NRXN3: variants seen among roughly 807,000 people sequenced by gnomAD.
NRXN3 encodes neurexin 3.
A neutral mutation model predicts 137.6 loss-of-function variants in NRXN3; 32 were observed. The ratio of observed to expected loss-of-function variants is 0.23; its 90% CI spans 0.18 to 0.31. The LOEUF (loss-of-function observed/expected upper bound fraction) is 0.31. NRXN3 is among the 10% of genes least tolerant of loss of function. NRXN3 has a pLI of 1.00. For missense variants in NRXN3, 1,574 were observed against 2,062.5 expected (o/e 0.76, Z 4.59); for synonymous variants, 798 against 784.5 (o/e 1.02, Z -0.29).
intron 3 of NRXN3, among the ~76,000 whole-genome samples, chr14:78,291,479 C>T (rs2075797697): frequency 6.6e-6 from 1 of 152,202 alleles, no homozygotes; most frequent in Admixed American, 6.5e-5. Context: ...TTCTTCCTTT[C>T]CCAGGTCATT....
At chr14:79,718,977 A>C (rs1567998192) in intron 19 of NRXN3, among the ~76,000 whole-genome samples, 1 of 151,984 alleles carries the variant, frequency 6.6e-6, no homozygotes, top group Non-Finnish European at 1.5e-5. Flanking sequence ...ACCTATTTCA[A>C]ACTCTCAACT....
At chr14:78,636,009 C>T (rs1247993171) in intron 4 of NRXN3, among the ~76,000 whole-genome samples, 1 of 152,058 alleles carries the variant, frequency 6.6e-6, no homozygotes, top group Non-Finnish European at 1.5e-5. Context: ...TGAAAGCAAC[C>T]CAAGGACCAG....
chr14:79,260,042 A>G (rs949334568), intron 15 of NRXN3, among the ~76,000 whole-genome samples: 7 of 152,170 alleles, frequency 4.6e-5, no homozygotes, highest in Non-Finnish European at 7.3e-5. Context: ...GCACTATGGA[A>G]TGATCCTGGT....
chr14:79,280,738 C>T (rs562593915), intron 15 of NRXN3: 1 of 587,100 alleles, frequency 1.7e-6, no homozygotes, highest in South Asian at 2.1e-5. Flanking sequence ...CTCCGACAAC[C>T]ATCTCCACTT....
chr14:78,442,161 G>A (rs1368707864), intron 4 of NRXN3, among the ~76,000 whole-genome samples: 1 of 151,792 alleles, frequency 6.6e-6, no homozygotes, highest in Non-Finnish European at 1.5e-5. Flanking sequence ...CCCAACTTTG[G>A]GAGGCTGGGA....
intron 4 of NRXN3, among the ~76,000 whole-genome samples, chr14:78,467,022 A>G (rs1181790671): frequency 6.6e-6 from 1 of 152,216 alleles, no homozygotes; most frequent in African/African-American, 2.4e-5. Context: ...GGATCCACCT[A>G]TGACCTATAA....
chr14:78,355,737 C>T (rs117181625), intron 4 of NRXN3, among the ~76,000 whole-genome samples: 94 of 152,296 alleles, frequency 6.2e-4, no homozygotes, highest in Non-Finnish European at 9.9e-4. Flanking sequence ...CCTTTACATA[C>T]GCTGTTCCCT....
At chr14:78,986,147 A>G (rs2099503508) in intron 14 of NRXN3, among the ~76,000 whole-genome samples, 1 of 152,114 alleles carries the variant, frequency 6.6e-6, no homozygotes, top group African/African-American at 2.4e-5. Flanking sequence ...CTTTCATTTC[A>G]GTATTCTTGC....
chr14:78,662,629 T>A (rs769559740), intron 6 of NRXN3, among the ~76,000 whole-genome samples: 45 of 152,262 alleles, frequency 3.0e-4, no homozygotes, highest in Admixed American at 2.6e-4. Context: ...GATCTATAGA[T>A]AGATTGATTT....
Position 79,769,404 on chromosome 14 carries a change from A to G in NRXN3, c.4015-35708A>G, listed in dbSNP as rs538088252. ...TCGGGTTACCCTCAAAGGGAAGCCC[A>G]TCAGACTAACAGCAGATCTCTCAGC... On this transcript the variant is annotated intron_variant, in intron 19 of 20. Coordinates refer to ENST00000335750, the MANE Select transcript of NRXN3 (RefSeq NM_001330195.2). Among the ~76,000 whole-genome samples, 4 of 152,158 alleles carry G rather than the reference A, an allele frequency of 2.6e-5. No individual in the cohort carries two copies. The South Asian group carries it at 6.2e-4, about 24-fold the overall frequency.
chr14:78,481,392 C>A (rs760347328), intron 4 of NRXN3, among the ~76,000 whole-genome samples: 2 of 152,034 alleles, frequency 1.3e-5, no homozygotes, highest in Admixed American at 6.6e-5. Context: ...CTTCTACCTG[C>A]GAAAATATTA....
chr14:79,494,266 T>C (rs1279171103), intron 16 of NRXN3, among the ~76,000 whole-genome samples: 3 of 152,178 alleles, frequency 2.0e-5, no homozygotes, highest in East Asian at 3.8e-4. Context: ...CTGTCTACCC[T>C]AATGGATTAG....
intron 19 of NRXN3, among the ~76,000 whole-genome samples, chr14:79,744,144 T>G (rs2098971614): frequency 6.6e-6 from 1 of 152,162 alleles, no homozygotes; most frequent in African/African-American, 2.4e-5. Context: ...ACCAAATGCC[T>G]ACATGCTGCA....
chr14:78,243,556 G>C lies in NRXN3; in HGVS notation c.463G>C (p.Asp155His). The C allele has an allele frequency of 6.3e-7, 1 of 1,598,168 alleles. No homozygotes were observed. The highest frequency in any genetic ancestry group is 8.5e-7 in the Non-Finnish European group (1 of 1,179,698). The change falls in exon 2 of 21, where the codon GAC (aspartate) becomes CAC (histidine). Residue 155 changes from aspartate to histidine, a missense_variant. Asp to His is a moderately conservative substitution (Grantham distance 81). Around this residue, in one of 5 missense-constraint regions of NRXN3, gnomAD observed 400 missense variants for 527.3 expected, o/e 0.76. Coordinates refer to ENST00000335750, the MANE Select transcript of NRXN3 (RefSeq NM_001330195.2). The surrounding 1 kb of genome is among the most constrained non-coding windows in gnomAD (Gnocchi z 4.2). ...SDLFLGGVPT[D>H]IRPSALTLDG... The stretch of plus-strand genomic sequence containing the variant: ...CTTGTTCCTTGGTGGAGTCCCTACT[G>C]ACATACGACCTTCTGCCCTGACCCT...
intron 9 of NRXN3, among the ~76,000 whole-genome samples, chr14:78,807,397 A>T (rs2098878861): frequency 6.6e-6 from 1 of 152,140 alleles, no homozygotes; most frequent in African/African-American, 2.4e-5. Flanking sequence ...TCTTAGAAAC[A>T]TTTACCTCTT....
chr14:79,070,789 A>G (rs2099686658), intron 15 of NRXN3, among the ~76,000 whole-genome samples: 1 of 152,182 alleles, frequency 6.6e-6, no homozygotes, highest in African/African-American at 2.4e-5. Flanking sequence ...CCACACATAC[A>G]TTTATGGTAG....
chr14:78,860,963 G>A (rs748982670), intron 10 of NRXN3, among the ~76,000 whole-genome samples: 2 of 152,004 alleles, frequency 1.3e-5, no homozygotes, highest in Non-Finnish European at 2.9e-5. Context: ...TGTTATTCAG[G>A]GGTCGACTGT....
intron 15 of NRXN3, among the ~76,000 whole-genome samples, chr14:79,358,666 A>AAAGAAAGAAAGAAAGT (rs1199503184): frequency 3.4e-5 from 5 of 147,350 alleles, no homozygotes; most frequent in African/African-American, 7.4e-5. Context: ...AGAAAGAAAG[A>AAAGAAAGAAAGAAAGT]AAGTGTCCTA....
intron 15 of NRXN3, among the ~76,000 whole-genome samples, chr14:79,097,624 C>T (rs2050580315): frequency 6.6e-6 from 1 of 152,198 alleles, no homozygotes; most frequent in Admixed American, 6.5e-5. Flanking sequence ...ATTTGTGTCA[C>T]TGGTTCATTC....
Sources: gnomAD v4.1 joint callset for allele counts (sites outside exome capture counted in the v4.1 genomes callset) on GRCh38, gnomAD v4.1.1 for gene constraint, gnomAD v4.1.1 regional missense constraint, Gnocchi (gnomAD v3.1) non-coding constraint, MANE v1.5 for transcripts, NCBI Gene and HGNC (gene_info 2026-07-23, HGNC 2026-07-21) for gene names.